Variants in RABGAP1 observed in about 807,000 individuals in gnomAD.
RABGAP1 encodes RAB GTPase activating protein 1.
RABGAP1 carries 23 observed loss-of-function variants against 137.6 expected under a neutral mutation model. That is an observed-to-expected ratio of 0.17 (90% CI 0.12 to 0.24). RABGAP1 has a LOEUF of 0.24. Ranked by LOEUF, RABGAP1 falls within the 10% of genes least tolerant of loss-of-function variation. RABGAP1 has a pLI of 1.00. For missense variants in RABGAP1, 906 were observed against 1,275.8 expected (o/e 0.71, Z 4.42); for synonymous variants, 451 against 450.7 (o/e 1.00, Z -0.01).
intron 2 of RABGAP1, among the ~76,000 whole-genome samples, chr9:122,958,038 G>C (rs188097360): frequency 6.6e-6 from 1 of 151,996 alleles, no homozygotes; most frequent in Non-Finnish European, 1.5e-5. Context: ...GCACTCCCAG[G>C]TTCACACCTT....
intron 6 of RABGAP1, chr9:122,990,777 AAAAAAAAAAAAAAAAAAAAATATATAT>A (rs1235780260): frequency 5.4e-5 from 1 of 18,452 alleles, no homozygotes; most frequent in African/African-American, 1.0e-4. Flanking sequence ...CTCAAAAAAA[AAAAAAAAAAAAAAAAAAAAATATATAT>A]ATATATATAT....
intron 4 of RABGAP1, among the ~76,000 whole-genome samples, chr9:122,988,775 C>G (rs1836502259): frequency 6.6e-6 from 1 of 151,844 alleles, no homozygotes; most frequent in Non-Finnish European, 1.5e-5. Flanking sequence ...TGCCCTGTCT[C>G]TACTAAAAAT....
intron 1 of RABGAP1, among the ~76,000 whole-genome samples, chr9:122,952,351 TG>T (rs1342280150): frequency 3.3e-5 from 5 of 151,776 alleles, no homozygotes; most frequent in Admixed American, 3.3e-4. Context: ...CTCCGCCTCC[TG>T]GGTTCATGCC....
intron 1 of RABGAP1, among the ~76,000 whole-genome samples, chr9:122,942,253 A>G (rs1377772665): frequency 1.3e-5 from 2 of 152,240 alleles, no homozygotes; most frequent in East Asian, 3.8e-4. Context: ...GTAGTTGGGA[A>G]AAAAAGCTTA....
chr9:123,102,238 A>G (rs1190238592), intron 25 of RABGAP1, among the ~76,000 whole-genome samples: 1 of 152,200 alleles, frequency 6.6e-6, no homozygotes, highest in Admixed American at 6.5e-5. Context: ...CCACTTAACT[A>G]GCTTTGTGAC....
chr9:123,086,152 G>A (rs1374291388), intron 19 of RABGAP1, among the ~76,000 whole-genome samples: 1 of 152,208 alleles, frequency 6.6e-6, no homozygotes, highest in Non-Finnish European at 1.5e-5. Context: ...GACAGGACGA[G>A]AGTATGAGGG....
chr9:122,951,240 G>A (rs1276497074), intron 1 of RABGAP1, among the ~76,000 whole-genome samples: 1 of 152,226 alleles, frequency 6.6e-6, no homozygotes. Context: ...AAGCATGTCA[G>A]GTTCAATTAT....
chr9:122,940,995 A>G (rs2487387), upstream of RABGAP1: 107,147 of 129,474 alleles, frequency 0.83, 42,492 homozygotes, highest in Middle Eastern at 0.9. Flanking sequence ...ACGTGAGTAA[A>G]GGGGTGGGGG....
At chr9:123,055,630 A>G (rs1254300565) in intron 13 of RABGAP1, among the ~76,000 whole-genome samples, 2 of 149,802 alleles carry the variant, frequency 1.3e-5, no homozygotes, top group East Asian at 2.0e-4. Context: ...GCTCACTGCA[A>G]CTTGCGCCTC....
At chr9:122,992,916 A>T (rs1424691148) in intron 6 of RABGAP1, among the ~76,000 whole-genome samples, 1 of 151,630 alleles carries the variant, frequency 6.6e-6, no homozygotes, top group East Asian at 1.9e-4. Flanking sequence ...AGCAAAATAT[A>T]CCTTGGTTTG....
In RABGAP1 at chr9:123,070,400, T is replaced by C; in HGVS notation, c.1959T>C (p.Phe653=). 8.1e-6 allele frequency: 13 copies of C among 1,614,130 alleles called. No homozygotes were observed. Among genetic ancestry groups the C allele is most frequent in the Non-Finnish European group, 1.1e-5 (13 of 1,179,998 alleles). ...TTGGTTATTGCCAGGGCCAGTCATT[T>C]CTTGCTGCTGTGCTCCTTCTCCATG... ...EEIGYCQGQS[F]LAAVLLLHMP... is the part of the protein sequence containing the mutation. The change falls in exon 15 of 26, where the codon TTT becomes TTC. Residue 653 remains phenylalanine (F), a synonymous_variant. Coordinates refer to ENST00000373647, the MANE Select transcript of RABGAP1 (RefSeq NM_012197.4). The surrounding 1 kb of genome is among the most constrained non-coding windows in gnomAD (Gnocchi z 4.4).
intron 2 of RABGAP1, among the ~76,000 whole-genome samples, chr9:122,959,226 G>A (rs1834712215): frequency 6.6e-6 from 1 of 152,100 alleles, no homozygotes; most frequent in African/African-American, 2.4e-5. Context: ...AATAGACCAT[G>A]AGGAGAACCA....
chr9:123,051,688 T>C (rs1411722724), intron 13 of RABGAP1, among the ~76,000 whole-genome samples: 1 of 152,134 alleles, frequency 6.6e-6, no homozygotes, highest in African/African-American at 2.4e-5. Context: ...GGAAAGCTTA[T>C]TTTCAAAGTC....
chr9:123,012,662 A>C (rs2030905906), intron 11 of RABGAP1, among the ~76,000 whole-genome samples: 1 of 152,238 alleles, frequency 6.6e-6, no homozygotes, highest in Non-Finnish European at 1.5e-5. Flanking sequence ...ACACTAGAAC[A>C]TAAGCTCTGT....
intron 2 of RABGAP1, among the ~76,000 whole-genome samples, chr9:122,979,471 AT>A (rs1207914492): frequency 1.3e-5 from 2 of 152,076 alleles, no homozygotes; most frequent in Non-Finnish European, 2.9e-5. Context: ...GAACTTTTTA[AT>A]TTTAATTAAG....
At chr9:122,941,222 C>G (rs962366671) in intron 1 of RABGAP1, 129 bp downstream of exon 1, 1 of 152,328 alleles carries the variant, frequency 6.6e-6, no homozygotes, top group African/African-American at 2.4e-5. Context: ...TGGAGCTGCT[C>G]TCAGCTCCCT....
At chr9:122,961,843 A>G (rs964061346) in intron 2 of RABGAP1, among the ~76,000 whole-genome samples, 1 of 152,188 alleles carries the variant, frequency 6.6e-6, no homozygotes, top group South Asian at 2.1e-4. Flanking sequence ...TTTGCCAATA[A>G]TAGGAAAAAG....
At chr9:122,994,742 T>C (rs1249877651) in intron 6 of RABGAP1, among the ~76,000 whole-genome samples, 1 of 152,328 alleles carries the variant, frequency 6.6e-6, no homozygotes, top group African/African-American at 2.4e-5. Context: ...TATTGGCTGA[T>C]GGCCATGGAC....
Position 123,065,410 on chromosome 9 carries a change from C to T in RABGAP1, c.1857C>T (p.Tyr619=). 1 of 1,612,964 alleles carries T rather than the reference C, an allele frequency of 6.2e-7. No individual in the cohort carries two copies. The highest frequency in any genetic ancestry group is 8.5e-7 in the Non-Finnish European group (1 of 1,179,294). The change falls in exon 14 of 26, where the codon TAC becomes TAT. Residue 619 remains tyrosine, a synonymous_variant. Coordinates refer to ENST00000373647, the MANE Select transcript of RABGAP1 (RefSeq NM_012197.4). ...ACCGAACATTCCCAGCCCATGACTACTTTAAGGACACAGGAGGAGATGGAC... is the reference window on the plus strand; with the variant it reads ...ACCGAACATTCCCAGCCCATGACTATTTTAAGGACACAGGAGGAGATGGAC... ...DINRTFPAHD[Y]FKDTGGDGQD... is the part of the protein sequence containing the mutation.
Sources: allele counts gnomAD v4.1 joint callset (sites outside exome capture counted in the v4.1 genomes callset), GRCh38; gene constraint gnomAD v4.1.1; non-coding constraint Gnocchi (gnomAD v3.1); transcripts MANE v1.5; gene names NCBI Gene and HGNC (gene_info 2026-07-23, HGNC 2026-07-21).